The following CLNK variants were observed in gnomAD, a reference collection of about 807,000 sequenced individuals.
The protein encoded by CLNK is cytokine dependent hematopoietic cell linker, also known as cytokine-dependent hematopoietic cell linker.
A neutral mutation model predicts 68.6 loss-of-function variants in CLNK; 74 were observed. The ratio of observed to expected loss-of-function variants is 1.08; its 90% CI spans 0.89 to 1.31. The LOEUF (loss-of-function observed/expected upper bound fraction) is 1.31, where lower values mean the gene tolerates loss of function less well. CLNK is among the 50% of genes most tolerant of loss of function. The probability of loss-of-function intolerance (pLI) is 0.00; values close to 1 mark genes in which losing one functional copy is unlikely to be tolerated. For missense variants in CLNK, 553 were observed against 515.3 expected, an observed-to-expected ratio of 1.07 and a Z score of -0.71; for synonymous variants, 198 against 172.2, an observed-to-expected ratio of 1.15 and a Z score of -1.17.
At chr4:10,675,541 C>T (rs1167573723) in intron 1 of CLNK, among the ~76,000 whole-genome samples, 1 of 152,160 alleles carries the variant, frequency 6.6e-6, no homozygotes. Context: ...TGCAAAGAGA[C>T]ATTTATCATA....
intron 1 of CLNK, among the ~76,000 whole-genome samples, chr4:10,671,603 A>G (rs763275833): frequency 2.3e-4 from 35 of 152,262 alleles, no homozygotes; most frequent in Non-Finnish European, 4.0e-4. Context: ...AAAGAGTCTT[A>G]TGTCCCCTGG....
the CLNK span, among the ~76,000 whole-genome samples, chr4:10,707,474 C>A: frequency 6.6e-6 from 1 of 152,240 alleles, no homozygotes. Flanking sequence ...TAATGTCAGT[C>A]ACTTCAAGAT....
chr4:10,536,867 C>G (rs181458792), intron 11 of CLNK, among the ~76,000 whole-genome samples: 1 of 152,040 alleles, frequency 6.6e-6, no homozygotes, highest in Non-Finnish European at 1.5e-5. Context: ...AGACAGTAAC[C>G]CAATAGACCT....
chr4:10,571,013 T>A (rs2108827480), intron 5 of CLNK, among the ~76,000 whole-genome samples: 1 of 152,292 alleles, frequency 6.6e-6, no homozygotes, highest in South Asian at 2.1e-4. Flanking sequence ...AGAATGGAAT[T>A]ATTGGGCTAA....
chr4:10,569,607 G>T (rs1720262632), intron 5 of CLNK, among the ~76,000 whole-genome samples: 1 of 152,132 alleles, frequency 6.6e-6, no homozygotes. Flanking sequence ...AAAGGCTCTG[G>T]GTCTGAACAC....
At chr4:10,667,810 C>T (rs763415875) in intron 2 of CLNK, 49 bp downstream of exon 2, 90 of 1,536,540 alleles carry the variant, frequency 5.9e-5, no homozygotes, top group African/African-American at 7.0e-5. Context: ...ACCTCCTGTC[C>T]CCACCAAGAA....
At chr4:10,679,171 T>C (rs61794275) in intron 1 of CLNK, among the ~76,000 whole-genome samples, 20,100 of 152,072 alleles carry the variant, frequency 0.13, 1,539 homozygotes, top group South Asian at 0.18. Flanking sequence ...AACAGAGATA[T>C]AGACCAATGG....
At chr4:10,580,674 GA>G (rs1355740840) in intron 4 of CLNK, among the ~76,000 whole-genome samples, 1 of 151,872 alleles carries the variant, frequency 6.6e-6, no homozygotes, top group Non-Finnish European at 1.5e-5. Flanking sequence ...ATTAAAAATA[GA>G]AAAAATTCTT....
At position 10,536,114 on chromosome 4, in the gene CLNK, A is replaced by G. The variant is rs913833054; in HGVS notation, c.603-3831T>C. On this transcript the variant is annotated intron_variant, in intron 11 of 18. Coordinates refer to ENST00000226951, the MANE Select transcript of CLNK (RefSeq NM_052964.4). ...GGCCTGAAACACAATAGCTGGAACC[A>G]CAAAGACCATCCAGGGTGAGCACAG... 1.1e-4 allele frequency among the ~76,000 whole-genome samples: 16 copies of G among 152,218 alleles called. 1 individual carries two copies. The highest frequency in any genetic ancestry group is 2.9e-5 in the Non-Finnish European group (2 of 68,036).
At chr4:10,499,993 CGTGTGGGT>C (rs1716974222) in intron 18 of CLNK, among the ~76,000 whole-genome samples, 1 of 152,132 alleles carries the variant, frequency 6.6e-6, no homozygotes, top group Non-Finnish European at 1.5e-5. Flanking sequence ...AGGACTTCAA[CGTGTGGGT>C]TTTTTGGAAT....
At position 10,487,170 on chromosome 4, in the gene CLNK, G is replaced by A. The variant is rs1408088619; in HGVS notation, c.*3297C>T. On this transcript the variant is annotated 3_prime_UTR_variant, in exon 19 of 19. Coordinates refer to ENST00000226951, the MANE Select transcript of CLNK (RefSeq NM_052964.4). ...AAACGTGAGGTAATGGTTGAAAAGG[G>A]ATTAAAACACTGGAATTTGGGCATG... 6.6e-6 allele frequency: 1 copy of A among 152,170 alleles called. No homozygotes were observed. The highest frequency in any genetic ancestry group is 1.5e-5 in the Non-Finnish European group (1 of 68,036). 9.4% of individuals were successfully genotyped at this position (152,170 alleles called of 1,614,324 possible).
At position 10,508,055 on chromosome 4, in the gene CLNK, G is replaced by GA; in HGVS notation, c.907-20dup. 1 of 1,585,600 alleles carries GA rather than the reference G, an allele frequency of 6.3e-7. No individual in the cohort carries two copies. The highest frequency in any genetic ancestry group is 8.6e-7 in the Non-Finnish European group (1 of 1,164,106). On this transcript the variant is annotated intron_variant, in intron 16 of 18. Transcript: ENST00000226951. ...GGACATCCTGCAGAACAGAATCAAT[G>GA]ATAAATATTTTAGGGTCAATGGGAA...
chr4:10,502,022 A>G (rs985966999), intron 17 of CLNK, among the ~76,000 whole-genome samples: 7 of 152,208 alleles, frequency 4.6e-5, no homozygotes, highest in African/African-American at 1.7e-4. Context: ...CCTATCTTGC[A>G]GTTTGATCTC....
intron 4 of CLNK, among the ~76,000 whole-genome samples, chr4:10,582,870 C>G (rs753274390): frequency 9.2e-5 from 14 of 152,140 alleles, no homozygotes. Context: ...CAGACACACA[C>G]ACAATCACAC....
chr4:10,552,611 C>T (rs1719506469), intron 8 of CLNK, among the ~76,000 whole-genome samples: 1 of 152,060 alleles, frequency 6.6e-6, no homozygotes, highest in Non-Finnish European at 1.5e-5. Context: ...GCTTCAAACC[C>T]CTATAATTTC....
In CLNK at chr4:10,508,030, G is replaced by A; in HGVS notation, c.913C>T (p.Gln305Ter). The A allele has an allele frequency of 6.2e-7, 1 of 1,609,250 alleles. No homozygotes were observed. Among genetic ancestry groups the A allele is most frequent in the African/African-American group, 1.3e-5 (1 of 74,970 alleles). The change falls in exon 17 of 19, where the codon CAG (glutamine) becomes TAG (stop). Residue 305 changes from glutamine (Q) to a stop codon, truncating the protein, a stop_gained. Coordinates refer to ENST00000226951, the MANE Select transcript of CLNK (RefSeq NM_052964.4). LOFTEE classifies it high-confidence loss of function. The stretch of plus-strand genomic sequence containing the variant: ...TCTCCAATGTACCATTCATTGTGCT[G>A]GACATCCTGCAGAACAGAATCAATG... ...FPKRSDRKDV[Q>*]HNEWYIGEYS... is the part of the protein sequence containing the mutation.
chr4:10,544,469 A>G lies in CLNK; in HGVS notation c.446-2189T>C, dbSNP rs1719149674. On this transcript the variant is annotated intron_variant, in intron 8 of 18. Transcript: ENST00000226951. Reference sequence around the variant, plus strand: ...AGGAGATACATAAACAAAAGTATAAATAAACGTTCATGGGTGATGACAAGC... The same window carrying G: ...AGGAGATACATAAACAAAAGTATAAGTAAACGTTCATGGGTGATGACAAGC... Among the ~76,000 whole-genome samples the G allele has an allele frequency of 2.6e-5, 4 of 152,346 alleles. No homozygotes were observed. The South Asian group carries it at 8.3e-4, about 32-fold the overall frequency.
chr4:10,614,597 G>A (rs911257302), intron 2 of CLNK, among the ~76,000 whole-genome samples: 2 of 152,196 alleles, frequency 1.3e-5, no homozygotes, highest in African/African-American at 4.8e-5. Context: ...GGTTAGGCAG[G>A]CAGAATCCCA....
upstream of CLNK, among the ~76,000 whole-genome samples, chr4:10,688,547 A>G (rs564781601): frequency 4.6e-5 from 7 of 152,184 alleles, no homozygotes; most frequent in Non-Finnish European, 8.8e-5. Context: ...TCACTGGCTT[A>G]GGTCAAATCC....
Sources: gnomAD v4.1 joint callset for allele counts (sites outside exome capture counted in the v4.1 genomes callset) on GRCh38, gnomAD v4.1.1 for gene constraint, MANE v1.5 for transcripts, NCBI Gene and HGNC (gene_info 2026-07-23, HGNC 2026-07-21) for gene names.